RHEX: variants seen among roughly 807,000 people sequenced by gnomAD.
RHEX encodes the protein regulator of hemoglobinization and erythroid cell expansion protein.
RHEX carries 18 observed loss-of-function variants against 20.1 expected under a neutral mutation model. That is an observed-to-expected ratio of 0.90 (90% CI 0.62 to 1.33). The LOEUF (loss-of-function observed/expected upper bound fraction) is 1.33, where lower values mean the gene tolerates loss of function less well. RHEX is among the 40% of genes most tolerant of loss of function. RHEX has a pLI of 0.00. For synonymous variants in RHEX, 87 were observed against 77.1 expected (o/e 1.13, Z -0.67); for missense variants, 192 against 214.3 (o/e 0.90, Z 0.65).
rs1663151265 is a variant in RHEX, at chr1:206,099,784, A to G, written c.242A>G (p.Asp81Gly). The G allele has an allele frequency of 6.2e-7, 1 of 1,613,928 alleles. No homozygotes were observed. Among genetic ancestry groups the G allele is most frequent in the Non-Finnish European group, 8.5e-7 (1 of 1,179,946 alleles). Residue 81 changes from aspartate (D) to glycine (G), a missense_variant, in exon 4 of 6, where the codon GAT (aspartate) becomes GGT (glycine). Physicochemically the swap from Asp to Gly is moderately conservative, Grantham distance 94 (BLOSUM62 -1). Coordinates refer to ENST00000331555, the MANE Select transcript of RHEX (RefSeq NM_001007544.4). ...TQTERDIPMS[D>G]SLYRHDSDTP... ...ACAGAGAGAGACATCCCAATGTCTG[A>G]TTCCCTTTACAGGCGTGAGTAAGGG...
chr1:206,059,315 C>T (rs1470511366), intron 1 of RHEX, among the ~76,000 whole-genome samples: 2 of 152,104 alleles, frequency 1.3e-5, no homozygotes, highest in Admixed American at 6.5e-5. Flanking sequence ...AGAAGGGAGA[C>T]AGGGAAAAAG....
intron 5 of RHEX, 151 bp downstream of exon 5, chr1:206,101,348 G>C (rs1663183123): frequency 4.6e-6 from 3 of 653,878 alleles, no homozygotes; most frequent in South Asian, 1.9e-5. Flanking sequence ...GTGAGGGGGG[G>C]TCAGGCTTCC....
intron 1 of RHEX, among the ~76,000 whole-genome samples, chr1:206,077,724 G>A (rs1487653952): frequency 2.0e-5 from 3 of 152,234 alleles, no homozygotes; most frequent in Non-Finnish European, 2.9e-5. Context: ...GGTGGAGACT[G>A]AAAGCCTGGG....
chr1:206,084,477 T>G (rs190896800), intron 1 of RHEX, among the ~76,000 whole-genome samples: 215 of 152,310 alleles, frequency 1.4e-3, no homozygotes, highest in African/African-American at 5.1e-3. Context: ...GTTAAGGGAC[T>G]TGACTGAATC....
At chr1:206,081,823 A>T (rs572320469) in intron 1 of RHEX, among the ~76,000 whole-genome samples, 3 of 151,964 alleles carry the variant, frequency 2.0e-5, no homozygotes, top group African/African-American at 7.2e-5. Context: ...GTGACATTGG[A>T]TGCTGCCATA....
rs531547901 is a variant in RHEX, at chr1:206,079,207, T to C, written c.-96-18526T>C. 3.5e-4 allele frequency among the ~76,000 whole-genome samples: 53 copies of C among 152,300 alleles called. No individual in the cohort carries two copies. In the South Asian group the frequency reaches 0.011, roughly 30 times the overall value. On this transcript the variant is annotated intron_variant, in intron 1 of 5. Coordinates refer to ENST00000331555, the MANE Select transcript of RHEX (RefSeq NM_001007544.4). ...TATTTTATTGCTAATAATAGATTTT[T>C]AAAAATACATTTAAAAACCAGTGGA...
In RHEX at chr1:206,101,789, C is replaced by T; in HGVS notation, c.356C>T (p.Ser119Phe). The change falls in exon 6 of 6, where the codon TCT becomes TTT. Residue 119 changes from serine (S) to phenylalanine (F), a missense_variant. By Grantham distance (155) the Ser-to-Phe change is radical. Coordinates refer to ENST00000331555, the MANE Select transcript of RHEX (RefSeq NM_001007544.4). Reference protein sequence around the residue: ...EDVDYTQVVFSDPGELKNDSP... With the variant: ...EDVDYTQVVFFDPGELKNDSP... ...GTGGATTACACACAAGTCGTCTTTT[C>T]TGACCCTGGAGAACTAAAAAATGAC... The T allele has an allele frequency of 6.2e-7, 1 of 1,613,842 alleles. No individual in the cohort carries two copies. Among genetic ancestry groups the T allele is most frequent in the Non-Finnish European group, 8.5e-7 (1 of 1,179,972 alleles).
chr1:206,072,829 C>CT (rs71152466), intron 1 of RHEX, among the ~76,000 whole-genome samples: 5,753 of 121,606 alleles, frequency 0.047, 439 homozygotes, highest in African/African-American at 0.12. Flanking sequence ...CCTCCTGTGT[C>CT]TTTTTTTTTT....
chr1:206,054,656 T>C (rs1553282324), intron 1 of RHEX, among the ~76,000 whole-genome samples: 1 of 152,244 alleles, frequency 6.6e-6, no homozygotes, highest in Non-Finnish European at 1.5e-5. Flanking sequence ...ACAAAAATTA[T>C]AAAAGGTTAA....
In RHEX at chr1:206,098,132, G is replaced by A; in HGVS notation, c.63G>A (p.Leu21=). Residue 21 remains leucine (L), a synonymous_variant, in exon 3 of 6, where the codon CTG becomes CTA. Coordinates refer to ENST00000331555, the MANE Select transcript of RHEX (RefSeq NM_001007544.4). Reference sequence around the variant, plus strand: ...TGATCGCGGTGGTGTCCCTCTTCCTGCAGGCCTGCTTCCTCACCGCCATCA... The same window carrying A: ...TGATCGCGGTGGTGTCCCTCTTCCTACAGGCCTGCTTCCTCACCGCCATCA... ...GLVIAVVSLF[L]QACFLTAINY... 1.2e-6 allele frequency: 2 copies of A among 1,614,052 alleles called. No individual in the cohort carries two copies. The highest frequency in any genetic ancestry group is 1.7e-6 in the Non-Finnish European group (2 of 1,179,966).
At chr1:206,062,594 A>G (rs1441471436) in intron 1 of RHEX, among the ~76,000 whole-genome samples, 1 of 152,208 alleles carries the variant, frequency 6.6e-6, no homozygotes, top group East Asian at 1.9e-4. Flanking sequence ...GTGTCTGCAC[A>G]ATACAACTGC....
At chr1:206,082,794 C>G (rs1404280070) in intron 1 of RHEX, among the ~76,000 whole-genome samples, 3 of 152,198 alleles carry the variant, frequency 2.0e-5, no homozygotes, top group African/African-American at 7.2e-5. Context: ...CAAATTGCAC[C>G]AGGCAATTTG....
At chr1:206,062,064 G>A (rs560789552) in intron 1 of RHEX, 1 of 152,312 alleles carries the variant, frequency 6.6e-6, no homozygotes, top group Admixed American at 6.5e-5. Context: ...ACAAAAATTA[G>A]CCAGGTGTGG....
intron 1 of RHEX, among the ~76,000 whole-genome samples, chr1:206,074,573 C>T (rs1332561454): frequency 6.6e-6 from 1 of 152,180 alleles, no homozygotes; most frequent in Non-Finnish European, 1.5e-5. Context: ...AGTTATGCAA[C>T]CACCCACTGT....
chr1:206,082,112 C>T (rs1553285980), intron 1 of RHEX, among the ~76,000 whole-genome samples: 1 of 152,118 alleles, frequency 6.6e-6, no homozygotes, highest in Non-Finnish European at 1.5e-5. Context: ...GGGAAGCAAA[C>T]TGCAGCAATA....
At chr1:206,092,664 A>G (rs1243777634) in intron 1 of RHEX, among the ~76,000 whole-genome samples, 1 of 152,144 alleles carries the variant, frequency 6.6e-6, no homozygotes, top group African/African-American at 2.4e-5. Context: ...TTGTAGTCTA[A>G]CTTTTTTTAA....
chr1:206,064,390 G>T (rs1236345683), intron 1 of RHEX, among the ~76,000 whole-genome samples: 1 of 123,648 alleles, frequency 8.1e-6, no homozygotes, highest in Non-Finnish European at 1.7e-5. Flanking sequence ...GAGGGAGGTG[G>T]GGGGGTCAGC....
intron 1 of RHEX, among the ~76,000 whole-genome samples, chr1:206,075,689 C>T (rs1370974286): frequency 6.6e-6 from 1 of 151,978 alleles, no homozygotes; most frequent in Non-Finnish European, 1.5e-5. Context: ...CCACCTCCAC[C>T]TCCTGGGTTC....
At position 206,082,033 on chromosome 1, in the gene RHEX, C is replaced by G. The variant is rs1164393210; in HGVS notation, c.-96-15700C>G. Among the ~76,000 whole-genome samples the G allele has an allele frequency of 4.6e-5, 7 of 152,240 alleles. No individual in the cohort carries two copies. The East Asian group carries it at 1.3e-3, about 29-fold the overall frequency. On this transcript the variant is annotated intron_variant, in intron 1 of 5. Coordinates refer to ENST00000331555, the MANE Select transcript of RHEX (RefSeq NM_001007544.4). ...GTTAGGAAATCACTCCACATGGCTC[C>G]CAGTGTTCTGCTTTCCTCAAATCTT...
Sources: allele counts gnomAD v4.1 joint callset (sites outside exome capture counted in the v4.1 genomes callset), GRCh38; gene constraint gnomAD v4.1.1; transcripts MANE v1.5; gene names NCBI Gene and HGNC (gene_info 2026-07-23, HGNC 2026-07-21).